CCT6A: variants seen among roughly 807,000 people sequenced by gnomAD.
The protein encoded by CCT6A is chaperonin containing TCP1 subunit 6A.
A neutral mutation model predicts 58.6 loss-of-function variants in CCT6A; 6 were observed. That is an observed-to-expected ratio of 0.10 (90% CI 0.06 to 0.20). The LOEUF (loss-of-function observed/expected upper bound fraction) is 0.20. Ranked by LOEUF, CCT6A falls within the 10% of genes least tolerant of loss-of-function variation. The pLI is 1.00. For missense variants in CCT6A, 516 were observed against 648.8 expected, an observed-to-expected ratio of 0.80 and a Z score of 2.22; for synonymous variants, 245 against 227.8, an observed-to-expected ratio of 1.08 and a Z score of -0.68.
chr7:56,063,047 G>A lies in CCT6A; in HGVS notation c.1558G>A (p.Glu520Lys). The A allele has an allele frequency of 6.2e-7, 1 of 1,612,962 alleles. No individual in the cohort carries two copies. The highest frequency in any genetic ancestry group is 8.5e-7 in the Non-Finnish European group (1 of 1,178,982). Residue 520 changes from glutamate (E) to lysine (K), a missense_variant, in exon 14 of 14, where the codon GAG becomes AAG. Glu to Lys is a moderately conservative substitution (Grantham distance 56). Around this residue, in one of 3 missense-constraint regions of CCT6A, gnomAD observed 315 missense variants for 389.4 expected, o/e 0.81. Coordinates refer to ENST00000275603, the MANE Select transcript of CCT6A (RefSeq NM_001762.4). ...VIATNILLVD[E>K]IMRAGMSSLK... Reference sequence around the variant, plus strand: ...TGCCACCAACATTCTCTTGGTTGATGAGATCATGCGAGCTGGAATGTCTTC... The same window carrying A: ...TGCCACCAACATTCTCTTGGTTGATAAGATCATGCGAGCTGGAATGTCTTC...
intron 5 of CCT6A, among the ~76,000 whole-genome samples, chr7:56,057,299 G>A (rs1794329272): frequency 6.6e-6 from 1 of 152,054 alleles, no homozygotes; most frequent in African/African-American, 2.4e-5. Context: ...AAGTAGTAGA[G>A]GAATTTAAAA....
Position 56,055,613 on chromosome 7 carries a change from G to C in CCT6A, c.337-11G>C, listed in dbSNP as rs774711351. 3.7e-6 allele frequency: 6 copies of C among 1,610,486 alleles called. No homozygotes were observed. Among genetic ancestry groups the C allele is most frequent in the Non-Finnish European group, 5.1e-6 (6 of 1,177,314 alleles). Reference sequence around the variant, plus strand: ...ATTGAAGATGCAAGTGTTAATGTGTGTTTATTTTAGGGCCTTCATCCTAGA... The same window carrying C: ...ATTGAAGATGCAAGTGTTAATGTGTCTTTATTTTAGGGCCTTCATCCTAGA... On this transcript the variant is annotated splice_polypyrimidine_tract_variant and intron_variant, in intron 3 of 13. Transcript: ENST00000275603.
At chr7:56,052,062 T>C (rs1794108612) in intron 1 of CCT6A, 77 bp downstream of exon 1, 2 of 1,221,530 alleles carry the variant, frequency 1.6e-6, no homozygotes, top group East Asian at 6.6e-5. Flanking sequence ...GACCGCGGAC[T>C]GGAGCCCGCC....
In CCT6A at chr7:56,062,153, TATG is replaced by T. The variant is rs1278212297; in HGVS notation, c.1450+307_1450+309del. 2.5e-5 allele frequency: 6 copies of T among 242,560 alleles called. No homozygotes were observed. The South Asian group carries it at 3.3e-4, about 13-fold the overall frequency. 15.0% of individuals were successfully genotyped at this position (242,560 alleles called of 1,614,324 possible). ...CCTTACTCAGTTTTTAATCAAGTAC[TATG>T]ATAAGAAAATAGATGTGGTGATTAT... is the stretch of plus-strand genomic sequence containing the variant. On this transcript the variant is annotated intron_variant, in intron 12 of 13. Transcript: ENST00000275603.
At chr7:56,057,167 T>A (rs1416219235) in intron 5 of CCT6A, among the ~76,000 whole-genome samples, 1 of 152,134 alleles carries the variant, frequency 6.6e-6, no homozygotes, top group African/African-American at 2.4e-5. Flanking sequence ...AGAATATTGT[T>A]TTTAGTAATA....
chr7:56,061,969 G>C (rs1794450113), intron 12 of CCT6A, 120 bp downstream of exon 12: 1 of 541,834 alleles, frequency 1.8e-6, no homozygotes, highest in Non-Finnish European at 3.3e-6. Flanking sequence ...GGAACTCTGG[G>C]TTCTAAAATG....
rs1218176704 is a variant in CCT6A at position 56,052,444 on chromosome 7, A to G, written c.160A>G (p.Ile54Val). The G allele has an allele frequency of 6.2e-6, 10 of 1,614,012 alleles. No homozygotes were observed. In the East Asian group the frequency reaches 1.1e-4, roughly 18 times the overall value. ...MKMLVSGAGD[I>V]KLTKDGNVLL... Reference sequence around the variant, plus strand: ...CAGGCTCGTTTCTGGCGCTGGAGACATCAAACTTACTAAAGACGGCAATGT... The same window carrying G: ...CAGGCTCGTTTCTGGCGCTGGAGACGTCAAACTTACTAAAGACGGCAATGT... Residue 54 changes from isoleucine to valine, a missense_variant, in exon 2 of 14, where the codon ATC becomes GTC. By Grantham distance (29) the Ile-to-Val change is conservative. Around this residue, in one of 3 missense-constraint regions of CCT6A, gnomAD observed 116 missense variants for 184.5 expected, o/e 0.63. Transcript: ENST00000275603.
At chr7:56,057,589 T>G (rs1329955624) in intron 5 of CCT6A, among the ~76,000 whole-genome samples, 1 of 152,078 alleles carries the variant, frequency 6.6e-6, no homozygotes, top group Admixed American at 6.6e-5. Context: ...TTCAGGTAAT[T>G]TAAGAAATAG....
In CCT6A at chr7:56,063,362, A is replaced by G. The variant is rs1315028681; in HGVS notation, c.*277A>G. 7.0e-6 allele frequency: 3 copies of G among 428,532 alleles called. No homozygotes were observed. The highest frequency in any genetic ancestry group is 1.3e-5 in the Non-Finnish European group (3 of 239,368). The allele number at this position is 428,532 out of a possible 1,614,324, so 26.5% of individuals were successfully genotyped here. A position where few individuals can be genotyped will look rare whatever the true frequency, so the allele number is the denominator to read the frequency against. ...ACATAAAATTCCATGTTAGATAAGC[A>G]TATGTTACTTACCTTGTTATTAAAT... On this transcript the variant is annotated 3_prime_UTR_variant, in exon 14 of 14. Transcript: ENST00000275603.
rs1584553607 is a variant in CCT6A at position 56,061,892 on chromosome 7, A to C, written c.1450+43A>C. On this transcript the variant is annotated intron_variant, in intron 12 of 13. Coordinates refer to ENST00000275603, the MANE Select transcript of CCT6A (RefSeq NM_001762.4). ...TTGTAGAGGGAAAACTAGATGTAATACGTGTGAGTTGAAGCCAGGAAAGAT... is the reference window on the plus strand; with the variant it reads ...TTGTAGAGGGAAAACTAGATGTAATCCGTGTGAGTTGAAGCCAGGAAAGAT... 15 of 1,093,936 alleles carry C rather than the reference A, an allele frequency of 1.4e-5. No individual in the cohort carries two copies. In the East Asian group the frequency reaches 3.8e-4, roughly 28 times the overall value. The allele number at this position is 1,093,936 out of a possible 1,614,324, so 67.8% of individuals were successfully genotyped here. A position where few individuals can be genotyped will look rare whatever the true frequency, so the allele number is the denominator to read the frequency against.
At chr7:56,058,130 A>G (rs1794355191) in intron 6 of CCT6A, 27 bp downstream of exon 6, 1 of 1,268,818 alleles carries the variant, frequency 7.9e-7, no homozygotes, top group African/African-American at 1.5e-5. Flanking sequence ...TTAACAGTGA[A>G]ATGGAGAAGC....
chr7:56,060,875 A>C lies in CCT6A; in HGVS notation c.1282A>C (p.Ser428Arg). 1.2e-6 allele frequency: 2 copies of C among 1,613,814 alleles called. No homozygotes were observed. Among genetic ancestry groups the C allele is most frequent in the Non-Finnish European group, 1.7e-6 (2 of 1,179,908 alleles). The change falls in exon 11 of 14, where the codon AGT becomes CGT. Residue 428 changes from serine to arginine, a missense_variant. By Grantham distance (110) the Ser-to-Arg change is moderately radical. Transcript: ENST00000275603. ...AGAAGCCCTGATTAAACATAAGCCC[A>C]GTGTAAAGGGCAGGGCACAGCTTGG... ...MAEALIKHKPSVKGRAQLGVQ... is the reference protein window; with the variant it reads ...MAEALIKHKPRVKGRAQLGVQ...
At chr7:56,057,947 AC>A (rs1255344814) in intron 5 of CCT6A, 45 bp from the exon 6 acceptor site, 1 of 957,662 alleles carries the variant, frequency 1.0e-6, no homozygotes, top group Non-Finnish European at 1.7e-6. Context: ...TATATTAAAT[AC>A]CCATCTGAAA....
At chr7:56,052,667 A>G (rs1251738865) in intron 2 of CCT6A, among the ~76,000 whole-genome samples, 182 bp downstream of exon 2, 1 of 152,172 alleles carries the variant, frequency 6.6e-6, no homozygotes, top group African/African-American at 2.4e-5. Flanking sequence ...CTTTTTTGCC[A>G]TTCACAGTCC....
intron 2 of CCT6A, among the ~76,000 whole-genome samples, chr7:56,054,126 C>A (rs965895258): frequency 3.3e-5 from 5 of 152,112 alleles, no homozygotes; most frequent in Non-Finnish European, 5.9e-5. Flanking sequence ...GAGTAAACTT[C>A]TACTGAGCCT....
Position 56,051,774 on chromosome 7 carries a change from G to C in CCT6A, c.-75G>C, listed in dbSNP as rs1183159984. 6.6e-7 allele frequency: 1 copy of C among 1,520,640 alleles called. No individual in the cohort carries two copies. The highest frequency in any genetic ancestry group is 8.8e-7 in the Non-Finnish European group (1 of 1,130,716). The allele number at this position is 1,520,640 out of a possible 1,614,324, so 94.2% of individuals were successfully genotyped here. ...ACGGGCCGACTTTTCCAGAAGACCCGGATAGTTCCTCCCGGCCACGCCGCG... is the reference window on the plus strand; with the variant it reads ...ACGGGCCGACTTTTCCAGAAGACCCCGATAGTTCCTCCCGGCCACGCCGCG... On this transcript the variant is annotated 5_prime_UTR_variant, in exon 1 of 14. Coordinates refer to ENST00000275603, the MANE Select transcript of CCT6A (RefSeq NM_001762.4).
Position 56,061,850 on chromosome 7 carries a change from GT to G in CCT6A, c.1450+2del. On this transcript the variant is annotated splice_donor_variant, in intron 12 of 13. Coordinates refer to ENST00000275603, the MANE Select transcript of CCT6A (RefSeq NM_001762.4). LOFTEE classifies it high-confidence loss of function. Reference sequence around the variant, plus strand: ...CTTGTGGGTGTGGACCTGAACACAGGTAAGAGAATGCAACTGTTGTAGAGGG... The same window carrying G: ...CTTGTGGGTGTGGACCTGAACACAGGAAGAGAATGCAACTGTTGTAGAGGG... The G allele has an allele frequency of 6.6e-7, 1 of 1,515,542 alleles. No homozygotes were observed. The highest frequency in any genetic ancestry group is 2.3e-5 in the East Asian group (1 of 43,374). The allele number at this position is 1,515,542 out of a possible 1,614,324, so 93.9% of individuals were successfully genotyped here.
chr7:56,052,588 C>G, intron 2 of CCT6A, 103 bp downstream of exon 2: 3 of 993,242 alleles, frequency 3.0e-6, no homozygotes, highest in Non-Finnish European at 4.8e-6. Flanking sequence ...GGAGAACATT[C>G]AGAAGTGGCG....
chr7:56,053,137 C>T (rs1794216348), intron 2 of CCT6A, among the ~76,000 whole-genome samples: 1 of 152,160 alleles, frequency 6.6e-6, no homozygotes, highest in African/African-American at 2.4e-5. Context: ...TCATCTCTAT[C>T]TCCAACTGGA....
Sources: allele counts gnomAD v4.1 joint callset (sites outside exome capture counted in the v4.1 genomes callset), GRCh38; gene constraint gnomAD v4.1.1; regional missense constraint gnomAD v4.1.1; transcripts MANE v1.5; gene names NCBI Gene and HGNC (gene_info 2026-07-23, HGNC 2026-07-21).